The following HNRNPF variants were observed in gnomAD, a reference collection of about 807,000 sequenced individuals.
The protein encoded by HNRNPF is heterogeneous nuclear ribonucleoprotein F, also known as HnRNP F protein.
In HNRNPF, 2 loss-of-function variants were observed where a neutral mutation model predicts 26.0. The ratio of observed to expected loss-of-function variants is 0.08; its 90% confidence interval spans 0.03 to 0.24. The LOEUF (loss-of-function observed/expected upper bound fraction) is 0.24, where lower values mean the gene tolerates loss of function less well. HNRNPF is among the 10% of genes least tolerant of loss of function. HNRNPF has a pLI of 1.00. For synonymous variants in HNRNPF, 234 were observed against 211.5 expected (o/e 1.11, Z -0.92); for missense variants, 299 against 539.2 (o/e 0.55, Z 4.41).
At chr10:43,388,588 G>A (rs1838122106) in intron 3 of HNRNPF, among the ~76,000 whole-genome samples, 1 of 152,228 alleles carries the variant, frequency 6.6e-6, no homozygotes, top group South Asian at 2.1e-4. Flanking sequence ...AAATTCACCA[G>A]CAGACTTAGT....
At chr10:43,399,792 C>G (rs1157254759) in intron 1 of HNRNPF, among the ~76,000 whole-genome samples, 1 of 152,130 alleles carries the variant, frequency 6.6e-6, no homozygotes, top group Non-Finnish European at 1.5e-5. Flanking sequence ...CTAAAAGATA[C>G]AGGAACTGTA....
rs1319813835 is a variant in HNRNPF, at chr10:43,386,538, G to A, written c.*99C>T. 1.8e-5 allele frequency: 21 copies of A among 1,182,850 alleles called. No individual in the cohort carries two copies. The highest frequency in any genetic ancestry group is 2.4e-5 in the Non-Finnish European group (21 of 868,730). 73.3% of individuals were successfully genotyped at this position (1,182,850 alleles called of 1,614,324 possible). On this transcript the variant is annotated 3_prime_UTR_variant, in exon 4 of 4. Transcript: ENST00000682386. ...TCCAGATTTTTCACAAACTCATGGTGCAAAATGGGTCCCCCAGCTTCCTCT... is the reference window on the plus strand; with the variant it reads ...TCCAGATTTTTCACAAACTCATGGTACAAAATGGGTCCCCCAGCTTCCTCT...
intron 3 of HNRNPF, among the ~76,000 whole-genome samples, chr10:43,389,514 G>A (rs1838161417): frequency 6.6e-6 from 1 of 152,158 alleles, no homozygotes; most frequent in African/African-American, 2.4e-5. Flanking sequence ...GTTTGATGTA[G>A]CCATTGCAGA....
intron 1 of HNRNPF, among the ~76,000 whole-genome samples, chr10:43,400,721 C>T (rs1838726732): frequency 6.6e-6 from 1 of 152,166 alleles, no homozygotes; most frequent in Non-Finnish European, 1.5e-5. Flanking sequence ...TTCAGGGGCA[C>T]ATGTATCTGA....
At position 43,386,444 on chromosome 10, in the gene HNRNPF, T is replaced by G; in HGVS notation, c.*193A>C. The G allele has an allele frequency of 1.9e-6, 1 of 536,836 alleles. No homozygotes were observed. The highest frequency in any genetic ancestry group is 3.0e-5 in the East Asian group (1 of 33,612). 33.3% of individuals were successfully genotyped at this position (536,836 alleles called of 1,614,324 possible). A position where few individuals can be genotyped will look rare whatever the true frequency, so the allele number is the denominator to read the frequency against. Reference sequence around the variant, plus strand: ...AATTGAGAAAAGCTGAAAATAGTTTTAGTTTACTCATTATCACATGCTAGA... The same window carrying G: ...AATTGAGAAAAGCTGAAAATAGTTTGAGTTTACTCATTATCACATGCTAGA... On this transcript the variant is annotated 3_prime_UTR_variant, in exon 4 of 4. Coordinates refer to ENST00000682386, the MANE Select transcript of HNRNPF (RefSeq NM_001098204.2).
rs1394788199 is a variant in HNRNPF, at chr10:43,387,788, C to G, written c.97G>C (p.Asp33His). The change falls in exon 4 of 4, where the codon GAC (aspartate) becomes CAC (histidine). Residue 33 changes from aspartate to histidine, a missense_variant. Physicochemically the swap from Asp to His is moderately conservative, Grantham distance 81. Around this residue, in one of 6 missense-constraint regions of HNRNPF, gnomAD observed 104 missense variants for 239.0 expected, o/e 0.44. Coordinates refer to ENST00000682386, the MANE Select transcript of HNRNPF (RefSeq NM_001098204.2). The surrounding 1 kb of genome is among the most constrained non-coding windows in gnomAD (Gnocchi z 6.0). ...SVEDVQNFLS[D>H]CTIHDGAAGV... ...GCGGCCCCATCATGAATCGTGCAGT[C>G]AGAGAGGAAGTTCTGCACGTCCTCA... 15 of 1,613,962 alleles carry G rather than the reference C, an allele frequency of 9.3e-6. No individual in the cohort carries two copies. The highest frequency in any genetic ancestry group is 1.2e-5 in the Non-Finnish European group (14 of 1,180,042).
At chr10:43,394,961 C>CA (rs969957803) in intron 2 of HNRNPF, among the ~76,000 whole-genome samples, 2 of 152,186 alleles carry the variant, frequency 1.3e-5, no homozygotes, top group African/African-American at 4.8e-5. Flanking sequence ...CCTGGTATTA[C>CA]AGGCGTGCAC....
chr10:43,389,010 G>A (rs7077713), intron 3 of HNRNPF, among the ~76,000 whole-genome samples: 13,265 of 137,892 alleles, frequency 0.096, 701 homozygotes, highest in South Asian at 0.15. Flanking sequence ...TCTCACTGTC[G>A]CCCAGGCTGG....
chr10:43,408,612 G>A (rs1839005353), intron 1 of HNRNPF: 1 of 152,056 alleles, frequency 6.6e-6, no homozygotes, highest in Admixed American at 6.6e-5. Context: ...CCTGGACTTC[G>A]GATAGTCTCC....
In HNRNPF at chr10:43,407,462, T is replaced by C. The variant is rs995575229; in HGVS notation, c.-247+1669A>G. ...GGTCCCAGGCGCCTAGGGGGAGGGG[T>C]TCCCGCGCCCGGGGCGGCCTTGGGG... On this transcript the variant is annotated intron_variant, in intron 1 of 3. Coordinates refer to ENST00000682386, the MANE Select transcript of HNRNPF (RefSeq NM_001098204.2). Among the ~76,000 whole-genome samples, 26 of 150,432 alleles carry C rather than the reference T, an allele frequency of 1.7e-4. 1 individual carries two copies. The highest frequency in any genetic ancestry group is 1.4e-3 in the Admixed American group (21 of 15,132).
chr10:43,407,586 A>C (rs1221648230), intron 1 of HNRNPF: 1 of 152,276 alleles, frequency 6.6e-6, no homozygotes, highest in Admixed American at 6.5e-5. Flanking sequence ...GGCCCCGTCC[A>C]CAAGTTTCCT....
At position 43,386,362 on chromosome 10, in the gene HNRNPF, A is replaced by ATACTTAAAC. The variant is rs1033078304; in HGVS notation, c.*266_*274dup. ...GTGGTGTAAAAGATCCACATTTAACATACTTAAACTACTTAAACTTAGATA... is the reference window on the plus strand; with the variant it reads ...GTGGTGTAAAAGATCCACATTTAACATACTTAAACTACTTAAACTACTTAAACTTAGATA... On this transcript the variant is annotated 3_prime_UTR_variant, in exon 4 of 4. Coordinates refer to ENST00000682386, the MANE Select transcript of HNRNPF (RefSeq NM_001098204.2). The ATACTTAAAC allele has an allele frequency of 6.0e-6, 2 of 333,670 alleles. No homozygotes were observed. Among genetic ancestry groups the ATACTTAAAC allele is most frequent in the African/African-American group, 4.3e-5 (2 of 46,822 alleles). 20.7% of individuals were successfully genotyped at this position (333,670 alleles called of 1,614,324 possible). A position where few individuals can be genotyped will look rare whatever the true frequency, so the allele number is the denominator to read the frequency against.
At chr10:43,398,319 G>C (rs78249564) in intron 1 of HNRNPF, among the ~76,000 whole-genome samples, 28 of 149,966 alleles carry the variant, frequency 1.9e-4, no homozygotes, top group Non-Finnish European at 7.4e-5. Flanking sequence ...CCCCATGCCC[G>C]GCCTGTTTGG....
In HNRNPF at chr10:43,392,403, G is replaced by C. The variant is rs563942554; in HGVS notation, c.-53+2227C>G. On this transcript the variant is annotated intron_variant, in intron 3 of 3. Coordinates refer to ENST00000682386, the MANE Select transcript of HNRNPF (RefSeq NM_001098204.2). The stretch of plus-strand genomic sequence containing the variant: ...AAAATACAAAAATTAGCCAGGCGTC[G>C]TGGCGGGCGCCAGTAATCCCAGCTA... Among the ~76,000 whole-genome samples the C allele has an allele frequency of 1.1e-3, 167 of 152,292 alleles. 1 individual carries two copies. Among genetic ancestry groups the C allele is most frequent in the Middle Eastern group, 3.4e-3 (1 of 294 alleles).
intron 1 of HNRNPF, among the ~76,000 whole-genome samples, chr10:43,405,997 C>T (rs1043138193): frequency 3.3e-5 from 5 of 152,074 alleles, no homozygotes; most frequent in Admixed American, 2.6e-4. Context: ...CCAATTGTGT[C>T]CCTGGACACA....
intron 3 of HNRNPF, among the ~76,000 whole-genome samples, chr10:43,393,654 C>T (rs967165817): frequency 6.6e-6 from 1 of 152,072 alleles, no homozygotes; most frequent in Non-Finnish European, 1.5e-5. Flanking sequence ...ATCCCATCTA[C>T]GGCTCACGTG....
chr10:43,405,519 G>C (rs965558264), intron 1 of HNRNPF, among the ~76,000 whole-genome samples: 5 of 152,134 alleles, frequency 3.3e-5, no homozygotes, highest in African/African-American at 9.7e-5. Flanking sequence ...AGCCGGGCAT[G>C]GTGGCGGCCG....
rs1564393279 is a variant in HNRNPF, at chr10:43,387,903, G to GT, written c.-20dup. The GT allele has an allele frequency of 6.4e-7, 1 of 1,571,994 alleles. No individual in the cohort carries two copies. The highest frequency in any genetic ancestry group is 1.8e-5 in the Admixed American group (1 of 55,866). On this transcript the variant is annotated 5_prime_UTR_variant, in exon 4 of 4. Coordinates refer to ENST00000682386, the MANE Select transcript of HNRNPF (RefSeq NM_001098204.2). This position sits in a 1 kb window ranked among gnomAD's most constrained non-coding sequence, Gnocchi z 6.0. ...GCATCATGGACACTTGTCAGGGTGGGTGTCAGGTGATCTTGGGTGTGGCTT... is the reference window on the plus strand; with the variant it reads ...GCATCATGGACACTTGTCAGGGTGGGTTGTCAGGTGATCTTGGGTGTGGCTT...
intron 1 of HNRNPF, among the ~76,000 whole-genome samples, chr10:43,399,379 T>C (rs1838680632): frequency 6.6e-6 from 1 of 152,196 alleles, no homozygotes; most frequent in Non-Finnish European, 1.5e-5. Flanking sequence ...CCACTGTGCC[T>C]GGCCCAAGGC....
Sources: gnomAD v4.1 joint callset for allele counts (sites outside exome capture counted in the v4.1 genomes callset) on GRCh38, gnomAD v4.1.1 for gene constraint, gnomAD v4.1.1 regional missense constraint, Gnocchi (gnomAD v3.1) non-coding constraint, MANE v1.5 for transcripts, NCBI Gene and HGNC (gene_info 2026-07-23, HGNC 2026-07-21) for gene names.